Variants in ZSCAN21 observed in about 807,000 individuals in gnomAD.
ZSCAN21 encodes the protein zinc finger and SCAN domain containing 21.
In ZSCAN21, 26 loss-of-function variants were observed where a neutral mutation model predicts 35.6. The ratio of observed to expected loss-of-function variants is 0.73; its 90% CI spans 0.54 to 1.01. The LOEUF (loss-of-function observed/expected upper bound fraction) is 1.01. ZSCAN21 is among the 50% of genes least tolerant of loss of function. The pLI is 0.00. For missense variants in ZSCAN21, 593 were observed against 587.1 expected (o/e 1.01, Z -0.10); for synonymous variants, 219 against 219.3 (o/e 1.00, Z 0.01).
Position 100,057,271 on chromosome 7 carries a change from G to A in ZSCAN21, c.265G>A (p.Val89Met). The A allele has an allele frequency of 1.2e-6, 2 of 1,613,924 alleles. No individual in the cohort carries two copies. Among genetic ancestry groups the A allele is most frequent in the South Asian group, 1.1e-5 (1 of 91,078 alleles). Residue 89 changes from valine to methionine, a missense_variant, in exon 2 of 4, where the codon GTG (valine) becomes ATG (methionine). Coordinates refer to ENST00000292450, the MANE Select transcript of ZSCAN21 (RefSeq NM_145914.3). ...HTKEQILELL[V>M]LEQFLTILPQ... The stretch of plus-strand genomic sequence containing the variant: ...CAAGGAGCAGATCCTGGAGCTACTG[G>A]TGCTGGAGCAGTTCCTGACCATCCT...
chr7:100,058,660 A>G (rs888935268), intron 3 of ZSCAN21, among the ~76,000 whole-genome samples: 1 of 152,234 alleles, frequency 6.6e-6, no homozygotes, highest in African/African-American at 2.4e-5. Context: ...TCCATATATT[A>G]TGGTTTATAG....
intron 1 of ZSCAN21, among the ~76,000 whole-genome samples, chr7:100,054,370 C>T (rs1489883462): frequency 2.0e-5 from 3 of 151,704 alleles, no homozygotes; most frequent in South Asian, 2.1e-4. Flanking sequence ...ATGTCTCAGC[C>T]TCCCATGTAG....
At chr7:100,063,725 G>C in intron 3 of ZSCAN21, 63 bp from the exon 4 acceptor site, 1 of 1,482,886 alleles carries the variant, frequency 6.7e-7, no homozygotes, top group South Asian at 1.3e-5. Flanking sequence ...TATCTCTCTG[G>C]TAACAGTTTC....
chr7:100,059,045 C>T (rs1319543562), intron 3 of ZSCAN21, among the ~76,000 whole-genome samples: 3 of 152,142 alleles, frequency 2.0e-5, no homozygotes, highest in Admixed American at 2.0e-4. Flanking sequence ...TATTCCAAAT[C>T]CTAATAGTTT....
At chr7:100,062,848 T>G (rs1016380269) in intron 3 of ZSCAN21, among the ~76,000 whole-genome samples, 1 of 152,186 alleles carries the variant, frequency 6.6e-6, no homozygotes, top group African/African-American at 2.4e-5. Flanking sequence ...CACTCCAGCC[T>G]GGGCAACAGA....
intron 1 of ZSCAN21, among the ~76,000 whole-genome samples, chr7:100,050,905 TTG>T (rs1312502392): frequency 6.6e-6 from 1 of 150,628 alleles, no homozygotes; most frequent in Admixed American, 6.6e-5. Flanking sequence ...GTTAAAGAAT[TTG>T]TGTGGCCGGG....
chr7:100,054,058 T>G (rs1236890584), intron 1 of ZSCAN21, among the ~76,000 whole-genome samples: 1 of 151,842 alleles, frequency 6.6e-6, no homozygotes, highest in East Asian at 1.9e-4. Flanking sequence ...TACCTCATTA[T>G]TTCTTGTTTA....
Position 100,064,595 on chromosome 7 carries a change from C to G in ZSCAN21, c.1400C>G (p.Thr467Ser), listed in dbSNP as rs112128894. 12 of 1,613,992 alleles carry G rather than the reference C, an allele frequency of 7.4e-6. No homozygotes were observed. Among genetic ancestry groups the G allele is most frequent in the Non-Finnish European group, 9.3e-6 (11 of 1,179,920 alleles). ...SNLSKHQRVHTGEGEAP is the reference protein window; with the variant it reads ...SNLSKHQRVHSGEGEAP ...CTTTCCAAACATCAGCGAGTCCACA[C>G]TGGAGAGGGAGAAGCACCGTAACTT... The change falls in exon 4 of 4, where the codon ACT becomes AGT. Residue 467 changes from threonine (T) to serine (S), a missense_variant. Thr to Ser is a moderately conservative substitution (Grantham distance 58). Coordinates refer to ENST00000292450, the MANE Select transcript of ZSCAN21 (RefSeq NM_145914.3).
intron 3 of ZSCAN21, among the ~76,000 whole-genome samples, chr7:100,060,903 T>G (rs1792267243): frequency 6.8e-6 from 1 of 147,116 alleles, no homozygotes; most frequent in South Asian, 2.2e-4. Context: ...ATACAAAAAT[T>G]AGTCGAGTGT....
Position 100,064,237 on chromosome 7 carries a change from C to T in ZSCAN21, c.1042C>T (p.Leu348Phe), listed in dbSNP as rs1792511397. 1.9e-6 allele frequency: 3 copies of T among 1,614,118 alleles called. No homozygotes were observed. Among genetic ancestry groups the T allele is most frequent in the Non-Finnish European group, 2.5e-6 (3 of 1,180,028 alleles). ...AGCTTTTGGGCAGAGCTCAGACCTTCTTAAACATCAGAGAATGCACACAGA... is the reference window on the plus strand; with the variant it reads ...AGCTTTTGGGCAGAGCTCAGACCTTTTTAAACATCAGAGAATGCACACAGA... ...GKAFGQSSDLLKHQRMHTEEA... is the reference protein window; with the variant it reads ...GKAFGQSSDLFKHQRMHTEEA... The change falls in exon 4 of 4, where the codon CTT becomes TTT. Residue 348 changes from leucine (L) to phenylalanine (F), a missense_variant. Physicochemically the swap from Leu to Phe is conservative, Grantham distance 22. Transcript: ENST00000292450.
In ZSCAN21 at chr7:100,063,903, C is replaced by T; in HGVS notation, c.708C>T (p.Ser236=). 8.1e-6 allele frequency: 13 copies of T among 1,614,130 alleles called. No individual in the cohort carries two copies. The highest frequency in any genetic ancestry group is 1.1e-5 in the Non-Finnish European group (13 of 1,180,042). ...TTATCGCCAATAAACCTGAGGCCAG[C>T]TTAGAGAGGCAGTGCGTAAACCTTG... ...SVIIANKPEA[S]LERQCVNLEN... is the part of the protein sequence containing the mutation. Residue 236 remains serine (S), a synonymous_variant, in exon 4 of 4, where the codon AGC becomes AGT. Coordinates refer to ENST00000292450, the MANE Select transcript of ZSCAN21 (RefSeq NM_145914.3).
At chr7:100,056,523 G>A (rs1792080763) in intron 1 of ZSCAN21, among the ~76,000 whole-genome samples, 1 of 151,798 alleles carries the variant, frequency 6.6e-6, no homozygotes, top group East Asian at 1.9e-4. Flanking sequence ...GGAATGCAGT[G>A]GCGCAGGCTT....
Position 100,061,758 on chromosome 7 carries a change from A to C in ZSCAN21, c.593-2030A>C, listed in dbSNP as rs547101884. On this transcript the variant is annotated intron_variant, in intron 3 of 3. Transcript: ENST00000292450. ...ATAGACAGCTGGGCAGAGAGAGAGA[A>C]GCTGTCAGGGCGGTTCCTAGGGAAG... Among the ~76,000 whole-genome samples, 261 of 152,268 alleles carry C rather than the reference A, an allele frequency of 1.7e-3. 2 individuals are homozygous for C. Among genetic ancestry groups the C allele is most frequent in the African/African-American group, 6.0e-3 (249 of 41,560 alleles).
intron 1 of ZSCAN21, among the ~76,000 whole-genome samples, chr7:100,054,375 A>G (rs1253158881): frequency 6.7e-6 from 1 of 150,306 alleles, no homozygotes; most frequent in South Asian, 2.1e-4. Flanking sequence ...TCAGCCTCCC[A>G]TGTAGTTGGG....
At position 100,063,940 on chromosome 7, in the gene ZSCAN21, G is replaced by A. The variant is rs1287651733; in HGVS notation, c.745G>A (p.Gly249Arg). 1.9e-6 allele frequency: 3 copies of A among 1,613,950 alleles called. No individual in the cohort carries two copies. In the African/African-American group the frequency reaches 4.0e-5, roughly 22 times the overall value. Reference sequence around the variant, plus strand: ...GTGCGTAAACCTTGAAAATGAAAAAGGAACAAAACCCCCTCTTCAAGAGGC... The same window carrying A: ...GTGCGTAAACCTTGAAAATGAAAAAAGAACAAAACCCCCTCTTCAAGAGGC... The part of the protein sequence containing the change: ...RQCVNLENEK[G>R]TKPPLQEAGS... Residue 249 changes from glycine to arginine, a missense_variant, in exon 4 of 4, where the codon GGA becomes AGA. By Grantham distance (125) the Gly-to-Arg change is moderately radical. Coordinates refer to ENST00000292450, the MANE Select transcript of ZSCAN21 (RefSeq NM_145914.3).
At chr7:100,057,948 C>A in intron 3 of ZSCAN21, 58 bp downstream of exon 3, 1 of 1,380,472 alleles carries the variant, frequency 7.2e-7, no homozygotes, top group Non-Finnish European at 9.6e-7. Context: ...GTTGGAGAAG[C>A]AGAATAATTA....
Position 100,062,768 on chromosome 7 carries a change from G to A in ZSCAN21, c.593-1020G>A, listed in dbSNP as rs990071810. On this transcript the variant is annotated intron_variant, in intron 3 of 3. Transcript: ENST00000292450. ...CAGGTGCTTCTAGTCCCAGCTCTTC[G>A]GGAGGCTGAGTCAGGAGAATCACTT... 5.9e-5 allele frequency among the ~76,000 whole-genome samples: 9 copies of A among 152,190 alleles called. 1 individual carries two copies. The highest frequency in any genetic ancestry group is 4.2e-4 in the South Asian group (2 of 4,814).
At chr7:100,054,258 T>G (rs922254187) in intron 1 of ZSCAN21, among the ~76,000 whole-genome samples, 5 of 146,126 alleles carry the variant, frequency 3.4e-5, no homozygotes, top group South Asian at 2.2e-4. Context: ...TTGTTTTTTG[T>G]TTTTTTTTTG....
chr7:100,064,268 C>G lies in ZSCAN21; in HGVS notation c.1073C>G (p.Ala358Gly). 6.2e-7 allele frequency: 1 copy of G among 1,614,040 alleles called. No homozygotes were observed. Among genetic ancestry groups the G allele is most frequent in the Non-Finnish European group, 8.5e-7 (1 of 1,180,004 alleles). Reference sequence around the variant, plus strand: ...CATCAGAGAATGCACACAGAAGAGGCGCCATATCAGTGCAAAGATTGTGGC... The same window carrying G: ...CATCAGAGAATGCACACAGAAGAGGGGCCATATCAGTGCAAAGATTGTGGC... ...LKHQRMHTEE[A>G]PYQCKDCGKA... is the part of the protein sequence containing the mutation. The change falls in exon 4 of 4, where the codon GCG becomes GGG. Residue 358 changes from alanine (A) to glycine (G), a missense_variant. Physicochemically the swap from Ala to Gly is moderately conservative, Grantham distance 60. Coordinates refer to ENST00000292450, the MANE Select transcript of ZSCAN21 (RefSeq NM_145914.3).
Sources: allele counts gnomAD v4.1 joint callset (sites outside exome capture counted in the v4.1 genomes callset), GRCh38; gene constraint gnomAD v4.1.1; transcripts MANE v1.5; gene names NCBI Gene and HGNC (gene_info 2026-07-23, HGNC 2026-07-21).